Variants in ANKRD46 observed in about 807,000 individuals in gnomAD.
The protein encoded by ANKRD46 is ankyrin repeat domain-containing protein 46.
ANKRD46 carries 13 observed loss-of-function variants against 19.8 expected under a neutral mutation model. The ratio of observed to expected loss-of-function variants is 0.66; its 90% CI spans 0.43 to 1.04. The LOEUF (loss-of-function observed/expected upper bound fraction) is 1.04, where lower values mean the gene tolerates loss of function less well. Among genes scored for constraint, ANKRD46 ranks in the 50% least tolerant of loss-of-function variants. The pLI is 0.00. For synonymous variants in ANKRD46, 91 were observed against 106.9 expected, an observed-to-expected ratio of 0.85 and a Z score of 0.92; for missense variants, 185 against 274.8, an observed-to-expected ratio of 0.67 and a Z score of 2.31.
At chr8:100,526,068 C>T (rs1323416962) in intron 4 of ANKRD46, among the ~76,000 whole-genome samples, 1 of 152,160 alleles carries the variant, frequency 6.6e-6, no homozygotes, top group Non-Finnish European at 1.5e-5. Context: ...GATAGGAAAA[C>T]TAGGTAATAA....
Position 100,521,190 on chromosome 8 carries a change from A to G in ANKRD46, c.*1365T>C. The stretch of plus-strand genomic sequence containing the variant: ...ATACTAGATACATAGATACAAGAGA[A>G]AATACCAAGAAGCAAAAAGAATCAC... On this transcript the variant is annotated 3_prime_UTR_variant, in exon 5 of 5. Coordinates refer to ENST00000335659, the MANE Select transcript of ANKRD46 (RefSeq NM_001270377.2). 2 of 985,238 alleles carry G rather than the reference A, an allele frequency of 2.0e-6. No homozygotes were observed. Among genetic ancestry groups the G allele is most frequent in the Non-Finnish European group, 2.4e-6 (2 of 829,906 alleles). The allele number at this position is 985,238 out of a possible 1,614,324, so 61.0% of individuals were successfully genotyped here. A position where few individuals can be genotyped will look rare whatever the true frequency, so the allele number is the denominator to read the frequency against.
rs937018519 is a variant in ANKRD46, at chr8:100,557,351, C to A, written c.-131+2360G>T. Among the ~76,000 whole-genome samples, 1 of 152,212 alleles carries A rather than the reference C, an allele frequency of 6.6e-6. No individual in the cohort carries two copies. Among genetic ancestry groups the A allele is most frequent in the Non-Finnish European group, 1.5e-5 (1 of 68,032 alleles). On this transcript the variant is annotated intron_variant, in intron 1 of 4. Transcript: ENST00000335659. This position sits in a 1 kb window ranked among gnomAD's most constrained non-coding sequence, Gnocchi z 5.9. ...CTTTCTCTCATAAGCACATCCAAAC[C>A]ATAAGCAAATCCTATCAGCAATACT...
rs983248057 is a variant in ANKRD46 at position 100,543,534 on chromosome 8, C to T, written c.-130-10223G>A. ...TACTCAAGAGAACTACAGTGTTAAACAAAGATAATTATGATTTAAAAATTA... is the reference window on the plus strand; with the variant it reads ...TACTCAAGAGAACTACAGTGTTAAATAAAGATAATTATGATTTAAAAATTA... On this transcript the variant is annotated intron_variant, in intron 1 of 4. Transcript: ENST00000335659. This position sits in a 1 kb window ranked among gnomAD's most constrained non-coding sequence, Gnocchi z 4.2. Among the ~76,000 whole-genome samples the T allele has an allele frequency of 3.3e-5, 5 of 151,934 alleles. No homozygotes were observed. The highest frequency in any genetic ancestry group is 1.2e-4 in the African/African-American group (5 of 41,290).
At chr8:100,512,059 A>G (rs941446883) in intron 5 of ANKRD46, among the ~76,000 whole-genome samples, 4 of 152,198 alleles carry the variant, frequency 2.6e-5, no homozygotes, top group Non-Finnish European at 5.9e-5. Flanking sequence ...AAGAATTTCA[A>G]TCAGTAGGAG....
chr8:100,557,523 G>A lies in ANKRD46; in HGVS notation c.-131+2188C>T, dbSNP rs1812525806. ...GTCAACACTGAACACAGCAGCCAGA[G>A]TGATCCTTTAAAAACCTTAAGCCAG... On this transcript the variant is annotated intron_variant, in intron 1 of 4. Coordinates refer to ENST00000335659, the MANE Select transcript of ANKRD46 (RefSeq NM_001270377.2). This position sits in a 1 kb window ranked among gnomAD's most constrained non-coding sequence, Gnocchi z 5.9. 6.6e-6 allele frequency among the ~76,000 whole-genome samples: 1 copy of A among 152,194 alleles called. No individual in the cohort carries two copies. The highest frequency in any genetic ancestry group is 2.4e-5 in the African/African-American group (1 of 41,436).
At chr8:100,522,982 G>C (rs919145258) in intron 4 of ANKRD46, among the ~76,000 whole-genome samples, 2 of 151,776 alleles carry the variant, frequency 1.3e-5, no homozygotes, top group African/African-American at 2.4e-5. Context: ...AAATGGTAAT[G>C]AGTATGTTTC....
At position 100,511,150 on chromosome 8, in the gene ANKRD46, C is replaced by T. The variant is rs535585627; in HGVS notation, c.637-511G>A. Among the ~76,000 whole-genome samples, 1 of 152,304 alleles carries T rather than the reference C, an allele frequency of 6.6e-6. No individual in the cohort carries two copies. Among genetic ancestry groups the T allele is most frequent in the Admixed American group, 6.5e-5 (1 of 15,294 alleles). ...GCGGCTTACACATCGCAGCTGATCCCCTGGTTAGCATTACTATTCCCATGT... is the reference window on the plus strand; with the variant it reads ...GCGGCTTACACATCGCAGCTGATCCTCTGGTTAGCATTACTATTCCCATGT... On this transcript the variant is annotated intron_variant, in intron 5 of 5. Coordinates refer to the ANKRD46 transcript ENST00000520552. This position sits in a 1 kb window ranked among gnomAD's most constrained non-coding sequence, Gnocchi z 4.1.
At chr8:100,520,185 T>C (rs1811697533), downstream of ANKRD46, among the ~76,000 whole-genome samples, 1 of 152,042 alleles carries the variant, frequency 6.6e-6, no homozygotes, top group Non-Finnish European at 1.5e-5. Context: ...GGGTTGGAGC[T>C]TGAATATTAA....
rs749790475 is a variant in ANKRD46 at position 100,522,900 on chromosome 8, CACACATATAT to C, written c.471-139_471-130del. On this transcript the variant is annotated intron_variant, in intron 4 of 4. Coordinates refer to ENST00000335659, the MANE Select transcript of ANKRD46 (RefSeq NM_001270377.2). The stretch of plus-strand genomic sequence containing the variant: ...ACACACACACACACACACACACACA[CACACATATAT>C]ATATATACACACTCTTACATGCTTA... 4.1e-4 allele frequency: 223 copies of C among 546,922 alleles called. 1 individual carries two copies. The highest frequency in any genetic ancestry group is 9.7e-4 in the Middle Eastern group (2 of 2,056). 33.9% of individuals were successfully genotyped at this position (546,922 alleles called of 1,614,324 possible).
At chr8:100,549,840 C>CT (rs1812345832) in intron 1 of ANKRD46, among the ~76,000 whole-genome samples, 1 of 152,202 alleles carries the variant, frequency 6.6e-6, no homozygotes, top group South Asian at 2.1e-4. Flanking sequence ...TTTCTGGGCT[C>CT]TGCCTATTCA....
intron 5 of ANKRD46, among the ~76,000 whole-genome samples, chr8:100,514,692 G>T (rs1311916914): frequency 7.5e-6 from 1 of 133,592 alleles, no homozygotes; most frequent in African/African-American, 2.8e-5. Context: ...TGCAATCTCG[G>T]CTTACTGCAA....
At chr8:100,556,874 C>A (rs976606447) in intron 1 of ANKRD46, 3 of 152,126 alleles carry the variant, frequency 2.0e-5, no homozygotes, top group Non-Finnish European at 2.9e-5. Context: ...TGTAATTATT[C>A]ATCTCTCCAA....
chr8:100,519,147 C>T (rs150892279), downstream of ANKRD46, among the ~76,000 whole-genome samples: 1 of 152,318 alleles, frequency 6.6e-6, no homozygotes, highest in East Asian at 1.9e-4. Context: ...TGAATTCTAC[C>T]AACCCCACCC....
chr8:100,535,829 T>C (rs1296300254), intron 1 of ANKRD46, among the ~76,000 whole-genome samples: 3 of 152,182 alleles, frequency 2.0e-5, no homozygotes, highest in African/African-American at 7.2e-5. Context: ...GTGTCTCCAG[T>C]TTTTGGCCAT....
At chr8:100,555,533 C>A in intron 1 of ANKRD46, among the ~76,000 whole-genome samples, 1 of 147,376 alleles carries the variant, frequency 6.8e-6, no homozygotes. Flanking sequence ...ATTTAAAATC[C>A]AAATTATAAG....
Position 100,525,693 on chromosome 8 carries a change from G to T in ANKRD46, c.470+2152C>A, listed in dbSNP as rs77752362. Among the ~76,000 whole-genome samples the T allele has an allele frequency of 0.016, 2,439 of 152,280 alleles. 72 individuals carry two copies. Among genetic ancestry groups the T allele is most frequent in the African/African-American group, 0.056 (2,328 of 41,538 alleles). On this transcript the variant is annotated intron_variant, in intron 4 of 4. Transcript: ENST00000335659. This position sits in a 1 kb window ranked among gnomAD's most constrained non-coding sequence, Gnocchi z 4.4. Reference sequence around the variant, plus strand: ...TGTTTTGGCTATTATGAATAATGCTGCTATGAACATTCATATATAAGTTTT... The same window carrying T: ...TGTTTTGGCTATTATGAATAATGCTTCTATGAACATTCATATATAAGTTTT...
At chr8:100,513,664 A>T (rs1440220342) in intron 5 of ANKRD46, among the ~76,000 whole-genome samples, 1 of 152,234 alleles carries the variant, frequency 6.6e-6, no homozygotes, top group East Asian at 1.9e-4. Flanking sequence ...TAGAACTGTT[A>T]GCTGGTTAAA....
In ANKRD46 at chr8:100,545,438, T is replaced by G. The variant is rs1445176997; in HGVS notation, c.-130-12127A>C. On this transcript the variant is annotated intron_variant, in intron 1 of 4. Coordinates refer to ENST00000335659, the MANE Select transcript of ANKRD46 (RefSeq NM_001270377.2). This position sits in a 1 kb window ranked among gnomAD's most constrained non-coding sequence, Gnocchi z 4.7. ...GTCGTTTCCCCTACACATTCTCTCTTGCCGCCATGTAAGATGTTCCTTGCT... is the reference window on the plus strand; with the variant it reads ...GTCGTTTCCCCTACACATTCTCTCTGGCCGCCATGTAAGATGTTCCTTGCT... 6.6e-6 allele frequency among the ~76,000 whole-genome samples: 1 copy of G among 152,188 alleles called. No individual in the cohort carries two copies. Among genetic ancestry groups the G allele is most frequent in the Non-Finnish European group, 1.5e-5 (1 of 68,024 alleles).
At position 100,511,312 on chromosome 8, in the gene ANKRD46, G is replaced by A. The variant is rs1289951928; in HGVS notation, c.637-673C>T. 6.6e-6 allele frequency among the ~76,000 whole-genome samples: 1 copy of A among 152,158 alleles called. No homozygotes were observed. Among genetic ancestry groups the A allele is most frequent in the African/African-American group, 2.4e-5 (1 of 41,418 alleles). ...GATCCAAACCCAGGTCTGCCTGAGT[G>A]CGAGACCCCTGTGCTCACCACCACA... is the stretch of plus-strand genomic sequence containing the variant. On this transcript the variant is annotated intron_variant, in intron 5 of 5. Coordinates refer to the ANKRD46 transcript ENST00000520552. The surrounding 1 kb of genome is among the most constrained non-coding windows in gnomAD (Gnocchi z 4.1).
Sources: allele counts gnomAD v4.1 joint callset (sites outside exome capture counted in the v4.1 genomes callset), GRCh38; gene constraint gnomAD v4.1.1; non-coding constraint Gnocchi (gnomAD v3.1); transcripts MANE v1.5; gene names NCBI Gene and HGNC (gene_info 2026-07-23, HGNC 2026-07-21).